MAGI2: variants seen among roughly 807,000 people sequenced by gnomAD.
MAGI2 encodes membrane-associated guanylate kinase, WW and PDZ domain-containing protein 2.
Under a neutral mutation model 133.3 loss-of-function variants are expected in MAGI2, and 35 were observed. That is an observed-to-expected ratio of 0.26 (90% confidence interval 0.20 to 0.35). The LOEUF (loss-of-function observed/expected upper bound fraction) is 0.35, where lower values mean the gene tolerates loss of function less well. MAGI2 is among the 10% of genes least tolerant of loss of function. The probability of loss-of-function intolerance (pLI) is 1.00; values close to 1 mark genes in which losing one functional copy is unlikely to be tolerated. For missense variants in MAGI2, 1,636 were observed against 1,863.4 expected (o/e 0.88, Z 2.25); for synonymous variants, 729 against 710.6 (o/e 1.03, Z -0.41).
chr7:78,244,557 A>G (rs928365290), intron 10 of MAGI2, among the ~76,000 whole-genome samples: 2 of 152,208 alleles, frequency 1.3e-5, no homozygotes, highest in African/African-American at 4.8e-5. Context: ...CAGAGAAAGT[A>G]TATTGATTGC....
At chr7:79,183,503 C>T (rs1026110701) in intron 1 of MAGI2, among the ~76,000 whole-genome samples, 12 of 151,748 alleles carry the variant, frequency 7.9e-5, no homozygotes, top group African/African-American at 2.9e-4. Context: ...AGAAATTTTT[C>T]AATATTCTAG....
intron 21 of MAGI2, among the ~76,000 whole-genome samples, chr7:78,047,281 T>C (rs1219116851): frequency 6.6e-6 from 1 of 152,162 alleles, no homozygotes. Context: ...TTCCTAGATA[T>C]GTATTTGGTC....
At chr7:79,412,822 C>T (rs184453099) in intron 1 of MAGI2, 4 of 152,256 alleles carry the variant, frequency 2.6e-5, no homozygotes, top group African/African-American at 9.6e-5. Flanking sequence ...ATTTTCTGAG[C>T]TCTAAGATAC....
intron 6 of MAGI2, among the ~76,000 whole-genome samples, chr7:78,450,945 A>G (rs1382892975): frequency 6.6e-6 from 1 of 152,092 alleles, no homozygotes. Context: ...ACATGTTGTA[A>G]TAGCGATATG....
chr7:79,348,827 C>A (rs1841494053), intron 1 of MAGI2, among the ~76,000 whole-genome samples: 1 of 151,788 alleles, frequency 6.6e-6, no homozygotes, highest in African/African-American at 2.4e-5. Flanking sequence ...ATTTTTGAAG[C>A]TTTAACAACA....
At chr7:78,910,264 T>TC in intron 2 of MAGI2, among the ~76,000 whole-genome samples, 1 of 37,970 alleles carries the variant, frequency 2.6e-5, no homozygotes, top group African/African-American at 1.1e-4. Context: ...AAAGTAATTC[T>TC]TTTTTTTTTT....
chr7:78,659,374 G>C (rs1183460764), intron 2 of MAGI2, among the ~76,000 whole-genome samples: 1 of 125,168 alleles, frequency 8.0e-6, no homozygotes, highest in Non-Finnish European at 1.6e-5. Flanking sequence ...GCAGTGAGCC[G>C]AGATCGTGCC....
intron 2 of MAGI2, among the ~76,000 whole-genome samples, chr7:78,654,202 G>C (rs76502308): frequency 0.06 from 9,113 of 152,132 alleles, 334 homozygotes; most frequent in African/African-American, 0.099. Context: ...TCACTTACTA[G>C]CTGGGCAAGC....
At chr7:78,491,589 CT>C (rs1328404935) in intron 5 of MAGI2, among the ~76,000 whole-genome samples, 1 of 152,144 alleles carries the variant, frequency 6.6e-6, no homozygotes, top group Admixed American at 6.6e-5. Context: ...AGCATGCCAG[CT>C]TTTATTTTTC....
intron 2 of MAGI2, among the ~76,000 whole-genome samples, chr7:78,804,754 A>AAACAAAACAAAC (rs557221453): frequency 2.8e-4 from 3 of 10,614 alleles, no homozygotes; most frequent in African/African-American, 4.1e-4. Context: ...GTCTCAAAAA[A>AAACAAAACAAAC]AAAAAAAAAA....
chr7:78,766,836 C>A (rs939095592), intron 2 of MAGI2, among the ~76,000 whole-genome samples: 2 of 152,092 alleles, frequency 1.3e-5, no homozygotes, highest in African/African-American at 4.8e-5. Flanking sequence ...AGAAAGCCAT[C>A]CTTGTGATGA....
intron 1 of MAGI2, among the ~76,000 whole-genome samples, chr7:79,242,914 T>G (rs975139611): frequency 2.6e-5 from 4 of 152,174 alleles, no homozygotes; most frequent in Non-Finnish European, 5.9e-5. Flanking sequence ...CCTTGATTAA[T>G]TTTTATATTA....
chr7:78,436,714 A>T (rs1037173730), intron 6 of MAGI2, among the ~76,000 whole-genome samples: 1 of 151,958 alleles, frequency 6.6e-6, no homozygotes, highest in Non-Finnish European at 1.5e-5. Context: ...CCACTCACGG[A>T]CCCTCTCTAT....
At chr7:78,252,544 TA>T (rs1202686295) in intron 10 of MAGI2, 1 of 148,522 alleles carries the variant, frequency 6.7e-6, no homozygotes, top group African/African-American at 2.5e-5. Context: ...CAGACCTAAA[TA>T]AAAGAGCTAA....
intron 2 of MAGI2, among the ~76,000 whole-genome samples, chr7:79,001,800 C>T (rs555574455): frequency 8.6e-4 from 131 of 152,248 alleles, no homozygotes; most frequent in African/African-American, 3.0e-3. Flanking sequence ...TGCATGCTGC[C>T]TTAACTTTGC....
At chr7:78,339,979 G>A (rs1321701290) in intron 9 of MAGI2, among the ~76,000 whole-genome samples, 1 of 152,138 alleles carries the variant, frequency 6.6e-6, no homozygotes. Context: ...ATACAGCGTT[G>A]GTGATATTTA....
intron 1 of MAGI2, among the ~76,000 whole-genome samples, chr7:79,401,854 TA>T (rs955685439): frequency 2.6e-5 from 4 of 152,076 alleles, no homozygotes; most frequent in African/African-American, 9.7e-5. Context: ...AGAAAAGGAA[TA>T]AAAAATGGCT....
At chr7:79,448,745 C>CT (rs1347929130) in intron 1 of MAGI2, among the ~76,000 whole-genome samples, 1 of 151,984 alleles carries the variant, frequency 6.6e-6, no homozygotes, top group African/African-American at 2.4e-5. Flanking sequence ...TGTGAATATG[C>CT]TTTTCTCATT....
chr7:78,904,260 G>A (rs942750364), intron 2 of MAGI2: 1 of 152,036 alleles, frequency 6.6e-6, no homozygotes, highest in East Asian at 1.9e-4. Context: ...AGATGAAGAA[G>A]AAAGACAATA....
Sources: allele counts gnomAD v4.1 joint callset (sites outside exome capture counted in the v4.1 genomes callset), GRCh38; gene constraint gnomAD v4.1.1; transcripts MANE v1.5; gene names NCBI Gene and HGNC (gene_info 2026-07-23, HGNC 2026-07-21).